SLA2: variants seen among roughly 807,000 people sequenced by gnomAD.
SLA2 encodes src-like-adapter 2.
In SLA2, 22 loss-of-function variants were observed where a neutral mutation model predicts 27.3. The ratio of observed to expected loss-of-function variants is 0.81; its 90% CI spans 0.58 to 1.15. SLA2 has a LOEUF of 1.15. SLA2 is among the 50% of genes most tolerant of loss of function. The pLI is 0.00. For missense variants in SLA2, 304 were observed against 322.2 expected (o/e 0.94, Z 0.43); for synonymous variants, 131 against 137.8 (o/e 0.95, Z 0.34).
At chr20:36,615,779 G>T in intron 5 of SLA2, among the ~76,000 whole-genome samples, 1 of 152,170 alleles carries the variant, frequency 6.6e-6, no homozygotes, top group Non-Finnish European at 1.5e-5. Flanking sequence ...GAAACAGTTT[G>T]GCATTAACTA....
chr20:36,616,693 C>T (rs1327418792), intron 5 of SLA2, among the ~76,000 whole-genome samples: 1 of 152,152 alleles, frequency 6.6e-6, no homozygotes, highest in African/African-American at 2.4e-5. Flanking sequence ...CGTGCAGTGG[C>T]ATGATCACAG....
chr20:36,624,958 C>T (rs548915698), intron 5 of SLA2, among the ~76,000 whole-genome samples: 1 of 152,302 alleles, frequency 6.6e-6, no homozygotes, highest in Admixed American at 6.5e-5. Context: ...GGGGCAGTCT[C>T]TCCCAGCTCT....
At chr20:36,629,365 C>T (rs1375955447) in intron 5 of SLA2, among the ~76,000 whole-genome samples, 4 of 150,960 alleles carry the variant, frequency 2.6e-5, no homozygotes, top group South Asian at 4.2e-4. Context: ...GGCGCGGTGG[C>T]TCATGCCTGT....
At position 36,644,875 on chromosome 20, in the gene SLA2, T is replaced by G. The variant is rs1044371448; in HGVS notation, c.-44+962A>C. On this transcript the variant is annotated intron_variant, in intron 1 of 7. Transcript: ENST00000262866. ...CGCTGCCCAGAATATTGTGTTTTTTTTTTTTTTTTTTTTTTCAGTATCTCA... is the reference window on the plus strand; with the variant it reads ...CGCTGCCCAGAATATTGTGTTTTTTGTTTTTTTTTTTTTTTCAGTATCTCA... 6.0e-5 allele frequency among the ~76,000 whole-genome samples: 9 copies of G among 149,382 alleles called. No homozygotes were observed. In the East Asian group the frequency reaches 1.2e-3, roughly 19 times the overall value.
chr20:36,615,488 G>A lies in SLA2; in HGVS notation c.383-114C>T, dbSNP rs569683309. 1.5e-5 allele frequency: 17 copies of A among 1,154,064 alleles called. No individual in the cohort carries two copies. In the East Asian group the frequency reaches 3.2e-4, roughly 22 times the overall value. 71.5% of individuals were successfully genotyped at this position (1,154,064 alleles called of 1,614,324 possible). ...CATGGGGCCCCGGCAGAAGGGAAGT[G>A]TCTGGGGCAGAAGCAGGACAAAGAC... On this transcript the variant is annotated intron_variant, in intron 5 of 7. Coordinates refer to ENST00000262866, the MANE Select transcript of SLA2 (RefSeq NM_032214.4).
At chr20:36,632,828 C>T in intron 4 of SLA2, 130 bp from the exon 5 acceptor site, 1 of 694,588 alleles carries the variant, frequency 1.4e-6, no homozygotes, top group Non-Finnish European at 2.4e-6. Flanking sequence ...TCTATCTGCT[C>T]CACGAAGAGC....
chr20:36,624,946 G>A (rs533841201), intron 5 of SLA2, among the ~76,000 whole-genome samples: 1 of 152,076 alleles, frequency 6.6e-6, no homozygotes, highest in African/African-American at 2.4e-5. Flanking sequence ...CTTCCTGTTT[G>A]GGGGGCAGTC....
At chr20:36,630,704 C>T (rs1387938475) in intron 5 of SLA2, among the ~76,000 whole-genome samples, 2 of 152,194 alleles carry the variant, frequency 1.3e-5, no homozygotes, top group South Asian at 2.1e-4. Context: ...TTAACATAAA[C>T]GTGGGGGCTG....
intron 2 of SLA2, 112 bp downstream of exon 2, chr20:36,641,133 C>T: frequency 1.2e-6 from 1 of 847,488 alleles, no homozygotes; most frequent in South Asian, 1.5e-5. Flanking sequence ...ATGCAGCAGG[C>T]CCTCAGCGGT....
chr20:36,630,338 A>G (rs6093176), intron 5 of SLA2, among the ~76,000 whole-genome samples: 4,850 of 152,256 alleles, frequency 0.032, 261 homozygotes, highest in African/African-American at 0.11. Context: ...GAGAGGAGAG[A>G]CAAAGAAGCT....
chr20:36,620,470 G>T, intron 5 of SLA2: 2 of 227,752 alleles, frequency 8.8e-6, no homozygotes, highest in Non-Finnish European at 8.7e-6. Flanking sequence ...AACCATAGAA[G>T]TTATGGAAGA....
Position 36,615,313 on chromosome 20 carries a change from G to T in SLA2, c.444C>A (p.Tyr148Ter). Residue 148 changes from tyrosine (Y) to a stop codon, truncating the protein, a stop_gained, in exon 6 of 8, where the codon TAC (tyrosine) becomes TAA (stop). Transcript: ENST00000262866. LOFTEE classifies it high-confidence loss of function. ...RPASWDRIRH[Y>*]RIHCLDNGWL... ...AGCCATTGTCAAGGCAGTGGATCCT[G>T]TAGTGTCTGATCCGGTCCCAGGATG... The T allele has an allele frequency of 6.2e-7, 1 of 1,614,150 alleles. No homozygotes were observed.
chr20:36,621,430 C>T, intron 5 of SLA2: 2 of 523,380 alleles, frequency 3.8e-6, no homozygotes, highest in South Asian at 1.5e-5. Flanking sequence ...CTAAAAACAG[C>T]AGAAAAAGGC....
chr20:36,644,223 G>A (rs572360618), intron 1 of SLA2, among the ~76,000 whole-genome samples: 124 of 152,140 alleles, frequency 8.2e-4, no homozygotes, highest in African/African-American at 2.8e-3. Context: ...GGGCTTAAGC[G>A]ATCCTCCTGG....
At chr20:36,644,842 G>A (rs1448501716) in intron 1 of SLA2, among the ~76,000 whole-genome samples, 3 of 150,176 alleles carry the variant, frequency 2.0e-5, no homozygotes, top group Non-Finnish European at 4.4e-5. Context: ...CGGCAGCCGA[G>A]ATGAGCACGC....
chr20:36,637,624 C>CTTTTTTTTTTTTTT (rs36100264), intron 2 of SLA2, among the ~76,000 whole-genome samples: 1 of 80,944 alleles, frequency 1.2e-5, no homozygotes, highest in Non-Finnish European at 2.2e-5. Flanking sequence ...GTGAAGTTTG[C>CTTTTTTTTTTTTTT]TTTTTTTTTT....
intron 5 of SLA2, among the ~76,000 whole-genome samples, chr20:36,630,704 CG>C (rs1445856710): frequency 2.3e-4 from 35 of 152,312 alleles, no homozygotes; most frequent in African/African-American, 7.2e-4. Flanking sequence ...TTAACATAAA[CG>C]TGGGGGCTGC....
intron 5 of SLA2, chr20:36,621,450 G>GTT (rs202148495): frequency 8.7e-5 from 41 of 469,604 alleles, no homozygotes; most frequent in African/African-American, 4.1e-4. Flanking sequence ...CTATAGTGTT[G>GTT]TTTTTTTTTT....
chr20:36,643,489 A>C (rs528079921), intron 1 of SLA2, among the ~76,000 whole-genome samples: 150 of 152,282 alleles, frequency 9.9e-4, no homozygotes, highest in African/African-American at 3.6e-3. Context: ...GAGTGGGCTC[A>C]TTCCTTGCCT....
Sources: allele counts gnomAD v4.1 joint callset (sites outside exome capture counted in the v4.1 genomes callset), GRCh38; gene constraint gnomAD v4.1.1; transcripts MANE v1.5; gene names NCBI Gene and HGNC (gene_info 2026-07-23, HGNC 2026-07-21).